DYM: variants seen among roughly 807,000 people sequenced by gnomAD.
DYM encodes the protein dymeclin, also known as dyggve-Melchior-Clausen syndrome protein.
In DYM, 78 loss-of-function variants were observed where a neutral mutation model predicts 93.1. The ratio of observed to expected loss-of-function variants is 0.84; its 90% CI spans 0.70 to 1.01. The LOEUF (loss-of-function observed/expected upper bound fraction) is 1.01, where lower values mean the gene tolerates loss of function less well. DYM is among the 50% of genes least tolerant of loss of function. The pLI is 0.00. For missense variants in DYM, 789 were observed against 845.0 expected (o/e 0.93, Z 0.82); for synonymous variants, 321 against 319.7 (o/e 1.00, Z -0.04).
rs1038247934 is a variant in DYM, at chr18:49,095,952, T to A, written c.2025+1450A>T. On this transcript the variant is annotated intron_variant, in intron 17 of 17. Coordinates refer to ENST00000675505, the MANE Select transcript of DYM (RefSeq NM_001353214.3). ...GACTGAGCTTACACACCAAGATCCATCACTTCCTGGGAGTAGCCACTTTAA... is the reference window on the plus strand; with the variant it reads ...GACTGAGCTTACACACCAAGATCCAACACTTCCTGGGAGTAGCCACTTTAA... Among the ~76,000 whole-genome samples, 5 of 152,244 alleles carry A rather than the reference T, an allele frequency of 3.3e-5. No individual in the cohort carries two copies. The East Asian group carries it at 9.6e-4, about 29-fold the overall frequency.
chr18:49,157,328 A>AAC (rs1238140160), intron 15 of DYM, among the ~76,000 whole-genome samples: 1 of 152,156 alleles, frequency 6.6e-6, no homozygotes, highest in Non-Finnish European at 1.5e-5. Context: ...CTTCTGAACT[A>AAC]ACACCTGTGG....
At chr18:49,280,334 C>G (rs3794824) in intron 10 of DYM, among the ~76,000 whole-genome samples, 12,291 of 152,066 alleles carry the variant, frequency 0.081, 1,125 homozygotes, top group East Asian at 0.33. Flanking sequence ...TATGAGACTC[C>G]AGGGAGTGAG....
In DYM at chr18:49,258,491, T is replaced by C. The variant is rs775030591; in HGVS notation, c.1254A>G (p.Ile418Met). The C allele has an allele frequency of 3.2e-6, 5 of 1,565,286 alleles. No individual in the cohort carries two copies. The highest frequency in any genetic ancestry group is 3.5e-6 in the Non-Finnish European group (4 of 1,135,766). The change falls in exon 12 of 18, where the codon ATA becomes ATG. Residue 418 changes from isoleucine to methionine, a missense_variant and splice_region_variant. Ile to Met is a conservative substitution (Grantham distance 10, BLOSUM62 1). This residue lies in a region of DYM where 225 missense variants were observed against 303.0 expected (regional missense o/e 0.74). Transcript: ENST00000675505. ...DGFNRSIHEVILKNITWYSER... is the reference protein window; with the variant it reads ...DGFNRSIHEVMLKNITWYSER... ...CTGAATACCAAGTAATATTTTTTAGTATCTGTAATGGGGAAGAAAAGTTTA... is the reference window on the plus strand; with the variant it reads ...CTGAATACCAAGTAATATTTTTTAGCATCTGTAATGGGGAAGAAAAGTTTA...
At chr18:49,130,551 T>G (rs2083289598) in intron 15 of DYM, among the ~76,000 whole-genome samples, 1 of 121,456 alleles carries the variant, frequency 8.2e-6, no homozygotes, top group Non-Finnish European at 1.8e-5. Flanking sequence ...AGGAAGCCCC[T>G]TTCTCCTACT....
Position 49,248,384 on chromosome 18 carries a change from A to G in DYM, c.1460+8626T>C, listed in dbSNP as rs1210813031. ...TTCAAAATATCTCAAAAATGTTATAATACTATAATAGAGAAAATAGAGATG... is the reference window on the plus strand; with the variant it reads ...TTCAAAATATCTCAAAAATGTTATAGTACTATAATAGAGAAAATAGAGATG... On this transcript the variant is annotated intron_variant, in intron 13 of 17. Coordinates refer to ENST00000675505, the MANE Select transcript of DYM (RefSeq NM_001353214.3). 4.6e-5 allele frequency among the ~76,000 whole-genome samples: 7 copies of G among 152,336 alleles called. No individual in the cohort carries two copies. In the East Asian group the frequency reaches 1.3e-3, roughly 29 times the overall value.
chr18:49,439,843 A>C (rs1034717033), intron 1 of DYM, among the ~76,000 whole-genome samples: 5 of 151,820 alleles, frequency 3.3e-5, no homozygotes, highest in Non-Finnish European at 5.9e-5. Context: ...CTCTACAAAA[A>C]ATTTACAAAT....
intron 11 of DYM, among the ~76,000 whole-genome samples, chr18:49,259,070 G>A (rs954810806): frequency 3.3e-5 from 5 of 151,732 alleles, no homozygotes; most frequent in East Asian, 1.9e-4. Flanking sequence ...ACCTTTCTCC[G>A]TGACTCAAGG....
At chr18:49,412,928 A>G (rs994964770) in intron 2 of DYM, 2 of 151,962 alleles carry the variant, frequency 1.3e-5, no homozygotes, top group Non-Finnish European at 2.9e-5. Flanking sequence ...GAGAAGATAC[A>G]CTCTACTCAA....
chr18:49,248,768 C>A (rs2094222199), intron 13 of DYM, among the ~76,000 whole-genome samples: 1 of 152,022 alleles, frequency 6.6e-6, no homozygotes, highest in Non-Finnish European at 1.5e-5. Flanking sequence ...AGTTTAATAT[C>A]AAGGATTAGA....
chr18:49,328,024 C>T (rs2063026650), intron 8 of DYM, among the ~76,000 whole-genome samples: 1 of 152,194 alleles, frequency 6.6e-6, no homozygotes. Context: ...AACGAGCCAA[C>T]ATCATCTATT....
In DYM at chr18:49,258,382, G is replaced by C; in HGVS notation, c.1363C>G (p.Arg455Gly). ...RTIQYNMTRT[R>G]DKYLHTNCLA... The stretch of plus-strand genomic sequence containing the variant: ...AGAATAGCAGCTGGAATACTTACTC[G>C]TGTCCTAGTCATGTTGTATTGAATG... Residue 455 changes from arginine (R) to glycine (G), a missense_variant and splice_region_variant, in exon 12 of 18, where the codon CGA (arginine) becomes GGA (glycine). Coordinates refer to ENST00000675505, the MANE Select transcript of DYM (RefSeq NM_001353214.3). The C allele has an allele frequency of 6.3e-7, 1 of 1,585,698 alleles. No individual in the cohort carries two copies. Among genetic ancestry groups the C allele is most frequent in the Non-Finnish European group, 8.7e-7 (1 of 1,154,224 alleles).
intron 13 of DYM, among the ~76,000 whole-genome samples, chr18:49,240,934 T>G (rs1357044260): frequency 2.0e-5 from 3 of 152,232 alleles, no homozygotes. Context: ...GTGAAGATGG[T>G]TTTTATTTTA....
intron 17 of DYM, among the ~76,000 whole-genome samples, chr18:49,048,812 T>G (rs187247938): frequency 5.0e-4 from 76 of 152,296 alleles, no homozygotes; most frequent in Middle Eastern, 3.4e-3. Context: ...GGCACCCCCA[T>G]GACTATCCTT....
chr18:49,225,243 G>A (rs1568051570), intron 13 of DYM, among the ~76,000 whole-genome samples: 2 of 152,182 alleles, frequency 1.3e-5, no homozygotes, highest in East Asian at 3.9e-4. Context: ...ATTTTACACA[G>A]TATAAAACTT....
At chr18:49,130,645 A>C (rs1017430909) in intron 15 of DYM, among the ~76,000 whole-genome samples, 1 of 152,128 alleles carries the variant, frequency 6.6e-6, no homozygotes, top group Non-Finnish European at 1.5e-5. Context: ...GATGATCATG[A>C]CTTTTTTCTC....
intron 17 of DYM, among the ~76,000 whole-genome samples, chr18:49,071,871 A>G (rs1424629250): frequency 6.6e-6 from 1 of 152,202 alleles, no homozygotes; most frequent in East Asian, 1.9e-4. Context: ...GGACTATTGA[A>G]AATTAAATAA....
At chr18:49,346,771 C>G (rs1184403940) in intron 6 of DYM, among the ~76,000 whole-genome samples, 3 of 152,050 alleles carry the variant, frequency 2.0e-5, no homozygotes, top group Non-Finnish European at 4.4e-5. Context: ...GAATTTCCTG[C>G]CTTTTATGTG....
At chr18:49,294,193 G>A (rs2060369152) in intron 8 of DYM, among the ~76,000 whole-genome samples, 1 of 140,784 alleles carries the variant, frequency 7.1e-6, no homozygotes, top group Admixed American at 6.7e-5. Flanking sequence ...TTTGGTACCA[G>A]TACCATGCTG....
chr18:49,120,078 C>CAAAAAAAAAAAAAAAAAAAAAAAAAAAAA (rs71165367), intron 15 of DYM, among the ~76,000 whole-genome samples: 1 of 56,178 alleles, frequency 1.8e-5, no homozygotes, highest in African/African-American at 5.9e-5. Flanking sequence ...GATCCTGTCT[C>CAAAAAAAAAAAAAAAAAAAAAAAAAAAAA]AAAAAAAAAA....
Sources: gnomAD v4.1 joint callset for allele counts (sites outside exome capture counted in the v4.1 genomes callset) on GRCh38, gnomAD v4.1.1 for gene constraint, gnomAD v4.1.1 regional missense constraint, MANE v1.5 for transcripts, NCBI Gene and HGNC (gene_info 2026-07-23, HGNC 2026-07-21) for gene names.